Variants in MICAL3 observed in about 807,000 individuals in gnomAD.
MICAL3 encodes the protein microtubule associated monooxygenase, calponin and LIM domain containing 3.
MICAL3 carries 62 observed loss-of-function variants against 207.4 expected under a neutral mutation model. The ratio of observed to expected loss-of-function variants is 0.30; its 90% CI spans 0.24 to 0.37. MICAL3 has a LOEUF of 0.37. Among genes scored for constraint, MICAL3 ranks in the 10% least tolerant of loss-of-function variants. The pLI, the probability that MICAL3 is intolerant of heterozygous loss-of-function variation, is 1.00. For missense variants in MICAL3, 2,368 were observed against 2,635.6 expected (o/e 0.90, Z 2.22); for synonymous variants, 1,077 against 1,069.3 (o/e 1.01, Z -0.14).
At chr22:17,957,739 A>C (rs538037241) in intron 1 of MICAL3, among the ~76,000 whole-genome samples, 4 of 140,034 alleles carry the variant, frequency 2.9e-5, no homozygotes, top group Non-Finnish European at 4.7e-5. Context: ...AGAGAGAAAG[A>C]AAACGAGAGA....
intron 1 of MICAL3, among the ~76,000 whole-genome samples, chr22:17,915,977 T>A (rs1396840638): frequency 7.3e-6 from 1 of 136,236 alleles, no homozygotes; most frequent in African/African-American, 2.8e-5. Context: ...TCGTCCCAGC[T>A]ACCCAGGAGG....
At chr22:17,919,856 C>T (rs1265956054) in intron 1 of MICAL3, among the ~76,000 whole-genome samples, 1 of 152,242 alleles carries the variant, frequency 6.6e-6, no homozygotes, top group African/African-American at 2.4e-5. Flanking sequence ...CAAATAGCTT[C>T]AGTGTAACTG....
At chr22:17,797,298 C>T (rs976999081) in intron 29 of MICAL3, among the ~76,000 whole-genome samples, 6 of 152,062 alleles carry the variant, frequency 3.9e-5, no homozygotes, top group Admixed American at 6.6e-5. Flanking sequence ...CCCAGGAGTT[C>T]GAGACCAGCC....
At chr22:17,956,775 G>A (rs1934635396) in intron 1 of MICAL3, among the ~76,000 whole-genome samples, 1 of 152,196 alleles carries the variant, frequency 6.6e-6, no homozygotes, top group Admixed American at 6.5e-5. Flanking sequence ...GGAAGAAGTG[G>A]ACTCACATGA....
At chr22:17,899,305 C>T (rs557611420) in intron 7 of MICAL3, 143 bp downstream of exon 7, 1 of 706,970 alleles carries the variant, frequency 1.4e-6, no homozygotes, top group Non-Finnish European at 2.6e-6. Flanking sequence ...TCACGCTAAA[C>T]TGGAAAACAT....
At chr22:17,989,319 G>A (rs1411211013) in intron 1 of MICAL3, among the ~76,000 whole-genome samples, 1 of 152,104 alleles carries the variant, frequency 6.6e-6, no homozygotes, top group Non-Finnish European at 1.5e-5. Flanking sequence ...CCAGCTCCCT[G>A]TGCTCTGCTC....
chr22:17,874,000 T>C (rs1254713580), intron 16 of MICAL3, among the ~76,000 whole-genome samples: 2 of 152,168 alleles, frequency 1.3e-5, no homozygotes, highest in East Asian at 1.9e-4. Context: ...ACAGCCCCCT[T>C]AGGACATGGC....
intron 17 of MICAL3, among the ~76,000 whole-genome samples, chr22:17,866,613 CAGAAT>C (rs60628065): frequency 0.055 from 7,485 of 136,224 alleles, 198 homozygotes; most frequent in Non-Finnish European, 0.065. Flanking sequence ...TAGAACAGAA[CAGAAT>C]AGAATAGAAT....
chr22:17,922,661 G>T (rs1178929687), intron 1 of MICAL3, among the ~76,000 whole-genome samples: 1 of 152,146 alleles, frequency 6.6e-6, no homozygotes, highest in Non-Finnish European at 1.5e-5. Flanking sequence ...CGGGACGAAA[G>T]AAAACCAGGT....
intron 29 of MICAL3, 157 bp from the exon 30 acceptor site, chr22:17,791,458 C>T: frequency 1.5e-6 from 1 of 661,580 alleles, no homozygotes; most frequent in Non-Finnish European, 2.7e-6. Context: ...CCATGGGGCC[C>T]TGGCGTCCCC....
Position 17,817,540 on chromosome 22 carries a change from T to C in MICAL3, c.5121A>G (p.Arg1707=). 6.2e-7 allele frequency: 1 copy of C among 1,613,556 alleles called. No homozygotes were observed. The highest frequency in any genetic ancestry group is 8.5e-7 in the Non-Finnish European group (1 of 1,179,806). Reference sequence around the variant, plus strand: ...CTTTGGACTTCTTCTCCTTCTTGTTTCTGCGGGGGGAGAAGAGTGACGACC... The same window carrying C: ...CTTTGGACTTCTTCTCCTTCTTGTTCCTGCGGGGGGAGAAGAGTGACGACC... ...KKRSSLFSPR[R]NKKEKKSKGE... is the part of the protein sequence containing the mutation. The change falls in exon 26 of 32, where the codon AGA becomes AGG. Residue 1707 remains arginine (R), a synonymous_variant. Coordinates refer to ENST00000441493, the MANE Select transcript of MICAL3 (RefSeq NM_015241.3).
At chr22:17,861,564 T>G in intron 19 of MICAL3, 1 of 985,432 alleles carries the variant, frequency 1.0e-6, no homozygotes, top group Non-Finnish European at 1.2e-6. Flanking sequence ...TCAAGAAACC[T>G]GTAACTAAAC....
At chr22:17,970,676 A>G (rs1043158464) in intron 1 of MICAL3, among the ~76,000 whole-genome samples, 1 of 152,234 alleles carries the variant, frequency 6.6e-6, no homozygotes, top group African/African-American at 2.4e-5. Context: ...GGCACACAGT[A>G]GGTGCCTTAA....
At chr22:17,825,298 C>A (rs992427880) in intron 22 of MICAL3, among the ~76,000 whole-genome samples, 8 of 152,212 alleles carry the variant, frequency 5.3e-5, no homozygotes, top group Admixed American at 1.3e-4. Flanking sequence ...AACGCAGCAG[C>A]AGCAGTGTTG....
chr22:17,799,809 G>A (rs763761743), intron 29 of MICAL3, among the ~76,000 whole-genome samples: 10 of 152,320 alleles, frequency 6.6e-5, no homozygotes, highest in South Asian at 6.2e-4. Context: ...GACACCTGGT[G>A]CTACACAGAC....
intron 1 of MICAL3, among the ~76,000 whole-genome samples, chr22:17,926,713 G>A (rs564932952): frequency 2.0e-3 from 304 of 152,322 alleles, no homozygotes; most frequent in Non-Finnish European, 3.6e-3. Context: ...CCGGAGGCGT[G>A]GGCGTGCAGG....
intron 1 of MICAL3, among the ~76,000 whole-genome samples, chr22:18,024,057 C>T (rs922603235): frequency 5.3e-5 from 8 of 152,138 alleles, no homozygotes; most frequent in African/African-American, 1.9e-4. Flanking sequence ...TGGTGGGTGT[C>T]GTGCGATGAT....
chr22:17,811,902 G>C (rs1048573002), intron 27 of MICAL3, among the ~76,000 whole-genome samples: 7 of 151,980 alleles, frequency 4.6e-5, no homozygotes, highest in African/African-American at 1.7e-4. Flanking sequence ...GTGCCACCTC[G>C]CCCGGACAAT....
chr22:18,023,545 C>G (rs1386048527), intron 1 of MICAL3, among the ~76,000 whole-genome samples: 4 of 152,244 alleles, frequency 2.6e-5, no homozygotes, highest in African/African-American at 4.8e-5. Context: ...GGACTTGACA[C>G]ACAGAAAGCA....
Sources: allele counts gnomAD v4.1 joint callset (sites outside exome capture counted in the v4.1 genomes callset), GRCh38; gene constraint gnomAD v4.1.1; transcripts MANE v1.5; gene names NCBI Gene and HGNC (gene_info 2026-07-23, HGNC 2026-07-21).